KPNA3: variants seen among roughly 807,000 people sequenced by gnomAD.
KPNA3 encodes importin subunit alpha-4.
KPNA3 carries 13 observed loss-of-function variants against 73.8 expected under a neutral mutation model. The observed-to-expected ratio is 0.18, with a 90% CI of 0.11 to 0.28. The LOEUF is 0.28. Ranked by LOEUF, KPNA3 falls within the 10% of genes least tolerant of loss-of-function variation. KPNA3 has a pLI of 1.00. For missense variants in KPNA3, 360 were observed against 618.1 expected (o/e 0.58, Z 4.43); for synonymous variants, 186 against 206.9 (o/e 0.90, Z 0.87).
At chr13:49,791,130 T>C (rs780699609) in intron 1 of KPNA3, among the ~76,000 whole-genome samples, 11 of 152,254 alleles carry the variant, frequency 7.2e-5, no homozygotes, top group Non-Finnish European at 1.6e-4. Context: ...TCTTTCCTAC[T>C]AGTATTTAAT....
intron 10 of KPNA3, among the ~76,000 whole-genome samples, chr13:49,718,644 T>C (rs1954326949): frequency 6.6e-6 from 1 of 152,208 alleles, no homozygotes; most frequent in African/African-American, 2.4e-5. Flanking sequence ...TTTACAGATA[T>C]TATCTTATAT....
chr13:49,787,897 C>A (rs2137610498), intron 1 of KPNA3, among the ~76,000 whole-genome samples: 1 of 152,300 alleles, frequency 6.6e-6, no homozygotes. Context: ...CCAGGCTGGT[C>A]TCGAACTCCT....
chr13:49,765,348 G>T (rs963386239), intron 1 of KPNA3, among the ~76,000 whole-genome samples: 1 of 152,076 alleles, frequency 6.6e-6, no homozygotes, highest in Non-Finnish European at 1.5e-5. Context: ...TATATTCTAG[G>T]TTATGATTAA....
intron 9 of KPNA3, among the ~76,000 whole-genome samples, chr13:49,721,385 C>T (rs1471483014): frequency 1.3e-5 from 2 of 152,098 alleles, no homozygotes; most frequent in Non-Finnish European, 2.9e-5. Context: ...TTGTATTTTT[C>T]TCTCTGAATT....
At chr13:49,752,580 G>T (rs1954672377) in intron 1 of KPNA3, among the ~76,000 whole-genome samples, 1 of 151,962 alleles carries the variant, frequency 6.6e-6, no homozygotes, top group Admixed American at 6.6e-5. Context: ...CAGAAATGAG[G>T]TCCTAGCAAT....
At chr13:49,781,824 A>C (rs1954942983) in intron 1 of KPNA3, among the ~76,000 whole-genome samples, 1 of 152,236 alleles carries the variant, frequency 6.6e-6, no homozygotes. Flanking sequence ...CCTTAGAGTT[A>C]TGTTGCAAAC....
At chr13:49,767,939 A>G (rs1261593307) in intron 1 of KPNA3, among the ~76,000 whole-genome samples, 1 of 152,210 alleles carries the variant, frequency 6.6e-6, no homozygotes, top group Non-Finnish European at 1.5e-5. Context: ...CCTACCTTAC[A>G]TAGTCCAAAA....
intron 10 of KPNA3, among the ~76,000 whole-genome samples, chr13:49,716,354 T>C (rs1221994970): frequency 6.6e-6 from 1 of 152,218 alleles, no homozygotes; most frequent in Non-Finnish European, 1.5e-5. Context: ...GACAAGACTA[T>C]ATGATCTAGA....
chr13:49,736,988 AAATTGTTGCTTGTATCAAC>A (rs1459733934), intron 2 of KPNA3, among the ~76,000 whole-genome samples: 1 of 152,210 alleles, frequency 6.6e-6, no homozygotes, highest in East Asian at 1.9e-4. Context: ...AGATTTATAT[AAATTGTTGCTTGTATCAAC>A]AATTGTTGCT....
intron 11 of KPNA3, 22 bp from the exon 12 acceptor site, chr13:49,709,722 T>C: frequency 6.3e-7 from 1 of 1,595,074 alleles, no homozygotes; most frequent in Non-Finnish European, 8.5e-7. Context: ...ATAAAATGTT[T>C]TCTATAAATT....
intron 7 of KPNA3, among the ~76,000 whole-genome samples, chr13:49,723,243 G>A (rs1233260303): frequency 1.3e-5 from 2 of 152,088 alleles, no homozygotes; most frequent in East Asian, 3.9e-4. Context: ...TGAGGACATC[G>A]CCACAATCTA....
At position 49,775,649 on chromosome 13, in the gene KPNA3, T is replaced by C. The variant is rs1380974047; in HGVS notation, c.69+16789A>G. ...AATCTCTAAGGCTGTAATTCACACC[T>C]ATCTTTTCTCTGTGTTCCCAAACTT... On this transcript the variant is annotated intron_variant, in intron 1 of 16. Coordinates refer to ENST00000261667, the MANE Select transcript of KPNA3 (RefSeq NM_002267.4). 8.5e-5 allele frequency among the ~76,000 whole-genome samples: 13 copies of C among 152,310 alleles called. No individual in the cohort carries two copies. The South Asian group carries it at 2.7e-3, about 32-fold the overall frequency.
intron 1 of KPNA3, among the ~76,000 whole-genome samples, chr13:49,756,442 AGTTACTT>A (rs1368303670): frequency 6.6e-6 from 1 of 152,158 alleles, no homozygotes; most frequent in Admixed American, 6.5e-5. Context: ...TTATTGTCCT[AGTTACTT>A]GGGAGGCTGA....
At chr13:49,748,210 T>C (rs1222753994) in intron 1 of KPNA3, among the ~76,000 whole-genome samples, 1 of 152,230 alleles carries the variant, frequency 6.6e-6, no homozygotes, top group Non-Finnish European at 1.5e-5. Flanking sequence ...CAATGAATTA[T>C]ATCTCTAATG....
chr13:49,705,587 C>G (rs781677183), intron 15 of KPNA3, 34 bp downstream of exon 15: 1 of 1,599,074 alleles, frequency 6.3e-7, no homozygotes, highest in East Asian at 2.2e-5. Context: ...AGTTCCAGTG[C>G]TCAAATACTC....
chr13:49,773,692 G>A (rs1954873795), intron 1 of KPNA3, among the ~76,000 whole-genome samples: 1 of 152,180 alleles, frequency 6.6e-6, no homozygotes, highest in Admixed American at 6.5e-5. Flanking sequence ...GTGGTGAGCA[G>A]TTCATGTAAA....
Position 49,706,316 on chromosome 13 carries a change from A to T in KPNA3, c.1089T>A (p.Ala363=). 1 of 1,614,156 alleles carries T rather than the reference A, an allele frequency of 6.2e-7. No individual in the cohort carries two copies. Among genetic ancestry groups the T allele is most frequent in the South Asian group, 1.1e-5 (1 of 91,068 alleles). ...TAGGAATTAATCCAGCATCTATTAC[A>T]GCTTGAACTTGTTGCTGGTTGCCTG... ...ITAGNQQQVQ[A]VIDAGLIPMI... Residue 363 remains alanine (A), a synonymous_variant, in exon 13 of 17, where the codon GCT becomes GCA. Coordinates refer to ENST00000261667, the MANE Select transcript of KPNA3 (RefSeq NM_002267.4).
chr13:49,725,635 A>T, intron 6 of KPNA3, 134 bp from the exon 7 acceptor site: 1 of 502,676 alleles, frequency 2.0e-6, no homozygotes, highest in Non-Finnish European at 3.4e-6. Context: ...ATTGCCTGCT[A>T]GCCAACCCTA....
chr13:49,782,163 G>A (rs1271021077), intron 1 of KPNA3, among the ~76,000 whole-genome samples: 2 of 152,160 alleles, frequency 1.3e-5, no homozygotes, highest in Non-Finnish European at 2.9e-5. Flanking sequence ...CCATAAGATA[G>A]CCAATGGCAG....
Sources: gnomAD v4.1 joint callset for allele counts (sites outside exome capture counted in the v4.1 genomes callset) on GRCh38, gnomAD v4.1.1 for gene constraint, MANE v1.5 for transcripts, NCBI Gene and HGNC (gene_info 2026-07-23, HGNC 2026-07-21) for gene names.